NEBL: variants seen among roughly 807,000 people sequenced by gnomAD.
NEBL encodes the protein LIM and SH3 protein 2.
In NEBL, 122 loss-of-function variants were observed where a neutral mutation model predicts 140.2. That is an observed-to-expected ratio of 0.87 (90% CI 0.75 to 1.01). The LOEUF (loss-of-function observed/expected upper bound fraction) is 1.01. NEBL is among the 50% of genes least tolerant of loss of function. The probability of loss-of-function intolerance (pLI) is 0.00; values close to 1 mark genes in which losing one functional copy is unlikely to be tolerated. For missense variants in NEBL, 1,365 were observed against 1,231.3 expected, an observed-to-expected ratio of 1.11 and a Z score of -1.62; for synonymous variants, 436 against 398.9, an observed-to-expected ratio of 1.09 and a Z score of -1.11.
chr10:21,048,927 T>C lies in NEBL; in HGVS notation c.165-28726A>G, dbSNP rs188089485. 1.3e-3 allele frequency among the ~76,000 whole-genome samples: 196 copies of C among 152,238 alleles called. 1 individual carries two copies. The highest frequency in any genetic ancestry group is 4.5e-3 in the African/African-American group (187 of 41,550). On this transcript the variant is annotated intron_variant, in intron 2 of 6. Coordinates refer to the NEBL transcript ENST00000417816. Reference sequence around the variant, plus strand: ...AGGAGGCTGAGGCAGGGAGAATTGCTTGAACCCGGGAGGTGGAGGTTGCAG... The same window carrying C: ...AGGAGGCTGAGGCAGGGAGAATTGCCTGAACCCGGGAGGTGGAGGTTGCAG...
chr10:21,056,841 A>T (rs1051519266), intron 2 of NEBL, among the ~76,000 whole-genome samples: 2 of 152,168 alleles, frequency 1.3e-5, no homozygotes, highest in African/African-American at 4.8e-5. Context: ...AAAATTCAGG[A>T]TGGTGGTTCA....
intron 3 of NEBL, among the ~76,000 whole-genome samples, chr10:20,994,538 A>C (rs1416316612): frequency 6.6e-6 from 1 of 152,216 alleles, no homozygotes; most frequent in African/African-American, 2.4e-5. Flanking sequence ...CGTAATATAA[A>C]AAGCCAACAG....
At chr10:21,045,256 T>C (rs909403184) in intron 2 of NEBL, among the ~76,000 whole-genome samples, 2 of 152,212 alleles carry the variant, frequency 1.3e-5, no homozygotes, top group African/African-American at 4.8e-5. Context: ...TGCTCAGAGA[T>C]GAAATCTGAC....
chr10:20,898,803 T>C (rs939371560), upstream of NEBL, among the ~76,000 whole-genome samples: 4 of 152,142 alleles, frequency 2.6e-5, no homozygotes, highest in East Asian at 3.8e-4. Context: ...CCTATCTACC[T>C]ATCTTTTTTT....
At chr10:21,135,996 A>G (rs1044702730) in intron 2 of NEBL, among the ~76,000 whole-genome samples, 2 of 152,230 alleles carry the variant, frequency 1.3e-5, no homozygotes, top group Non-Finnish European at 2.9e-5. Context: ...ACATTTCTCA[A>G]AGAGAGGAAG....
chr10:20,858,137 G>A (rs945025805), intron 9 of NEBL, 103 bp downstream of exon 9: 12 of 864,666 alleles, frequency 1.4e-5, no homozygotes, highest in East Asian at 2.5e-5. Context: ...GAGGAGTGAG[G>A]CACAGGCCTT....
intron 4 of NEBL, among the ~76,000 whole-genome samples, chr10:20,919,189 G>A (rs1833458770): frequency 6.6e-6 from 1 of 152,108 alleles, no homozygotes; most frequent in South Asian, 2.1e-4. Flanking sequence ...AGTCTTTGCT[G>A]GGAGATTAGT....
At chr10:21,054,970 T>A (rs1834944824) in intron 2 of NEBL, among the ~76,000 whole-genome samples, 1 of 152,194 alleles carries the variant, frequency 6.6e-6, no homozygotes, top group African/African-American at 2.4e-5. Context: ...TTTTAAAGCG[T>A]TCTTACTTCT....
intron 2 of NEBL, among the ~76,000 whole-genome samples, chr10:21,153,005 C>A (rs191337178): frequency 1.3e-5 from 2 of 152,294 alleles, no homozygotes; most frequent in Admixed American, 1.3e-4. Context: ...TGGATTTTAT[C>A]TGGCTGAGAA....
At chr10:20,788,803 G>A (rs1258639491) in intron 26 of NEBL, among the ~76,000 whole-genome samples, 7 of 152,054 alleles carry the variant, frequency 4.6e-5, no homozygotes, top group East Asian at 1.9e-4. Flanking sequence ...ATCCACTCAC[G>A]AAGAAAAAAG....
intron 3 of NEBL, among the ~76,000 whole-genome samples, chr10:20,992,004 C>A (rs905103612): frequency 6.6e-6 from 1 of 151,980 alleles, no homozygotes; most frequent in Non-Finnish European, 1.5e-5. Context: ...CATTTCTTTA[C>A]ACAATCCACC....
intron 2 of NEBL, among the ~76,000 whole-genome samples, chr10:21,125,014 G>A (rs534655137): frequency 6.6e-6 from 1 of 151,692 alleles, no homozygotes; most frequent in South Asian, 2.1e-4. Flanking sequence ...CCACTGAAGT[G>A]CAGTGTTGAG....
intron 24 of NEBL, among the ~76,000 whole-genome samples, chr10:20,811,111 A>G (rs1224655566): frequency 1.3e-5 from 2 of 152,232 alleles, no homozygotes; most frequent in South Asian, 2.1e-4. Context: ...ATGTTGGCCA[A>G]TTATGGAAAT....
chr10:20,786,668 C>T (rs1835433841), intron 27 of NEBL, among the ~76,000 whole-genome samples: 1 of 152,066 alleles, frequency 6.6e-6, no homozygotes, highest in Non-Finnish European at 1.5e-5. Context: ...GAGGCAAAGA[C>T]CAAGAGACTA....
intron 2 of NEBL, among the ~76,000 whole-genome samples, chr10:21,024,765 C>G (rs1838954824): frequency 6.6e-6 from 1 of 152,120 alleles, no homozygotes. Flanking sequence ...CGACAACATT[C>G]TGCTCTGAAG....
intron 2 of NEBL, among the ~76,000 whole-genome samples, chr10:21,155,438 C>A (rs981754224): frequency 6.6e-6 from 1 of 152,168 alleles, no homozygotes; most frequent in Non-Finnish European, 1.5e-5. Context: ...CTCCCACTAA[C>A]CTTCCCAGCT....
chr10:20,802,849 T>C (rs962296052), intron 26 of NEBL, among the ~76,000 whole-genome samples: 1 of 152,142 alleles, frequency 6.6e-6, no homozygotes, highest in South Asian at 2.1e-4. Context: ...TTCTTACACA[T>C]AGAAAGAAAA....
intron 2 of NEBL, among the ~76,000 whole-genome samples, chr10:21,169,058 AAAAAAAAAAATATATATATAT>A (rs1451866294): frequency 5.3e-5 from 3 of 56,804 alleles, no homozygotes; most frequent in African/African-American, 1.9e-4. Context: ...ACAAAAAAAA[AAAAAAAAAAATATATATATAT>A]ATATATATAT....
At chr10:21,035,412 C>T (rs1183014427) in intron 2 of NEBL, among the ~76,000 whole-genome samples, 1 of 151,858 alleles carries the variant, frequency 6.6e-6, no homozygotes, top group Admixed American at 6.6e-5. Context: ...TTGTCAACTA[C>T]TGTGACCCCG....
Sources: gnomAD v4.1 joint callset for allele counts (sites outside exome capture counted in the v4.1 genomes callset) on GRCh38, gnomAD v4.1.1 for gene constraint, MANE v1.5 for transcripts, NCBI Gene and HGNC (gene_info 2026-07-23, HGNC 2026-07-21) for gene names.